The following DOCK9 variants were observed in gnomAD, a reference collection of about 807,000 sequenced individuals.
DOCK9 encodes the protein dedicator of cytokinesis protein 9.
Under a neutral mutation model 263.3 loss-of-function variants are expected in DOCK9, and 89 were observed. The observed-to-expected ratio is 0.34, with a 90% CI of 0.28 to 0.40. The LOEUF (loss-of-function observed/expected upper bound fraction) is 0.40, where lower values mean the gene tolerates loss of function less well. Among genes scored for constraint, DOCK9 ranks in the 10% least tolerant of loss-of-function variants. The probability of loss-of-function intolerance (pLI) is 1.00; values close to 1 mark genes in which losing one functional copy is unlikely to be tolerated. For synonymous variants in DOCK9, 976 were observed against 973.1 expected, an observed-to-expected ratio of 1.00 and a Z score of -0.06; for missense variants, 2,140 against 2,603.4, an observed-to-expected ratio of 0.82 and a Z score of 3.87.
In DOCK9 at chr13:98,868,333, C is replaced by T; in HGVS notation, c.2988G>A (p.Val996=). The T allele has an allele frequency of 6.2e-7, 1 of 1,613,818 alleles. No homozygotes were observed. Among genetic ancestry groups the T allele is most frequent in the Non-Finnish European group, 8.5e-7 (1 of 1,179,824 alleles). Residue 996 remains valine (V), a synonymous_variant, in exon 28 of 53, where the codon GTG becomes GTA. Transcript: ENST00000682017. The part of the protein sequence containing the change: ...QRFPASYHHA[V]ETVVNMLMPH... The stretch of plus-strand genomic sequence containing the variant: ...GCATCAGCATATTTACAACGGTTTC[C>T]ACTGCATGATGATAGGATGCAGGAA...
intron 38 of DOCK9, among the ~76,000 whole-genome samples, chr13:98,839,370 G>A (rs1411781374): frequency 6.6e-6 from 1 of 152,238 alleles, no homozygotes; most frequent in Non-Finnish European, 1.5e-5. Flanking sequence ...CAGCGAGGTT[G>A]TTTGGTAAGA....
intron 24 of DOCK9, 37 bp downstream of exon 24, chr13:98,881,855 C>T (rs2044820252): frequency 1.3e-6 from 2 of 1,503,404 alleles, no homozygotes; most frequent in African/African-American, 1.4e-5. Flanking sequence ...TGTGGACAGA[C>T]TAGAAGTGAG....
intron 15 of DOCK9, among the ~76,000 whole-genome samples, 188 bp downstream of exon 15, chr13:98,897,300 A>G (rs572215000): frequency 1.3e-5 from 2 of 152,246 alleles, no homozygotes; most frequent in East Asian, 1.9e-4. Flanking sequence ...ACAGAATTCA[A>G]ATTAACTGGT....
intron 27 of DOCK9, among the ~76,000 whole-genome samples, chr13:98,879,085 G>C (rs143883866): frequency 2.4e-3 from 371 of 152,314 alleles, no homozygotes; most frequent in African/African-American, 8.3e-3. Flanking sequence ...GCAGGTCTCA[G>C]AGGAGCCCTG....
At position 98,860,397 on chromosome 13, in the gene DOCK9, A is replaced by T. The variant is rs1335622092; in HGVS notation, c.3697+8T>A. On this transcript the variant is annotated splice_region_variant and intron_variant, in intron 33 of 52. Transcript: ENST00000682017. Reference sequence around the variant, plus strand: ...TGGAGAGAAGCCCACAAGAGCATGGAGCGTTACCAATGCCGGAGATGGCGC... The same window carrying T: ...TGGAGAGAAGCCCACAAGAGCATGGTGCGTTACCAATGCCGGAGATGGCGC... The T allele has an allele frequency of 1.3e-6, 2 of 1,574,146 alleles. No individual in the cohort carries two copies. Among genetic ancestry groups the T allele is most frequent in the Non-Finnish European group, 1.7e-6 (2 of 1,158,416 alleles).
In DOCK9 at chr13:98,883,094, T is replaced by C. The variant is rs201221390; in HGVS notation, c.2507A>G (p.Lys836Arg). 13 of 1,613,934 alleles carry C rather than the reference T, an allele frequency of 8.1e-6. No individual in the cohort carries two copies. The Admixed American group carries it at 1.5e-4, about 19-fold the overall frequency. The stretch of plus-strand genomic sequence containing the variant: ...TAAGGCTTGGGCTCCAGATTCGGTT[T>C]TCTGACAGTACTGGAAAAAATTATG... ...HLHNFFQYCQKTESGAQALGN... is the reference protein window; with the variant it reads ...HLHNFFQYCQRTESGAQALGN... Residue 836 changes from lysine (K) to arginine (R), a missense_variant, in exon 23 of 53, where the codon AAA (lysine) becomes AGA (arginine). Lys to Arg is a conservative substitution (Grantham distance 26, BLOSUM62 2). Coordinates refer to ENST00000682017, the MANE Select transcript of DOCK9 (RefSeq NM_001366683.2).
rs182833435 is a variant in DOCK9 at position 98,810,745 on chromosome 13, G to A, written c.5131-454C>T. On this transcript the variant is annotated intron_variant, in intron 45 of 52. Transcript: ENST00000682017. Reference sequence around the variant, plus strand: ...TTAGTGATGGAGTGTGGGGGGCACCGTGCCTGCTTCACCTTGGACATTTCT... The same window carrying A: ...TTAGTGATGGAGTGTGGGGGGCACCATGCCTGCTTCACCTTGGACATTTCT... 5.3e-5 allele frequency among the ~76,000 whole-genome samples: 8 copies of A among 152,230 alleles called. No individual in the cohort carries two copies. The East Asian group carries it at 1.2e-3, about 22-fold the overall frequency.
chr13:99,002,204 G>A (rs1882478777), intron 1 of DOCK9, among the ~76,000 whole-genome samples: 2 of 152,062 alleles, frequency 1.3e-5, no homozygotes, highest in African/African-American at 4.8e-5. Context: ...GGTTTGTGTG[G>A]GGGATCAGAG....
At chr13:98,865,845 G>A (rs1014106133) in intron 30 of DOCK9, among the ~76,000 whole-genome samples, 2 of 152,160 alleles carry the variant, frequency 1.3e-5, no homozygotes, top group African/African-American at 4.8e-5. Context: ...TGCAGGAGGT[G>A]TGGAGTGGCT....
chr13:99,024,994 T>A (rs1195031697), intron 1 of DOCK9, among the ~76,000 whole-genome samples: 1 of 152,236 alleles, frequency 6.6e-6, no homozygotes, highest in African/African-American at 2.4e-5. Flanking sequence ...GGTTTTAATT[T>A]CTTTTCACAA....
At chr13:98,895,800 C>A (rs186324967) in intron 15 of DOCK9, among the ~76,000 whole-genome samples, 8 of 152,156 alleles carry the variant, frequency 5.3e-5, no homozygotes, top group Admixed American at 5.2e-4. Flanking sequence ...AACTAAAGAA[C>A]CTCTATGATT....
intron 25 of DOCK9, among the ~76,000 whole-genome samples, chr13:98,881,125 T>C (rs1351733254): frequency 6.6e-6 from 1 of 152,214 alleles, no homozygotes; most frequent in Non-Finnish European, 1.5e-5. Context: ...ATGTTTATCC[T>C]AACAACATCT....
At chr13:98,868,863 T>G (rs2094117937) in intron 27 of DOCK9, among the ~76,000 whole-genome samples, 1 of 152,208 alleles carries the variant, frequency 6.6e-6, no homozygotes, top group Non-Finnish European at 1.5e-5. Flanking sequence ...ATACTTCAAA[T>G]AAGTGCTGTG....
At position 98,966,153 on chromosome 13, in the gene DOCK9, C is replaced by T. The variant is rs1026081847; in HGVS notation, c.127-10602G>A. Among the ~76,000 whole-genome samples the T allele has an allele frequency of 5.3e-4, 81 of 152,310 alleles. 1 individual carries two copies. Among genetic ancestry groups the T allele is most frequent in the Middle Eastern group, 3.4e-3 (1 of 294 alleles). On this transcript the variant is annotated intron_variant, in intron 1 of 52. Coordinates refer to ENST00000682017, the MANE Select transcript of DOCK9 (RefSeq NM_001366683.2). ...TGTCAATGAGGAGAGGAAGACAAGA[C>T]GGGAATTTAGGAGACTTCCTCCATG...
intron 19 of DOCK9, 112 bp downstream of exon 19, chr13:98,886,420 G>A: frequency 1.4e-6 from 1 of 716,022 alleles, no homozygotes; most frequent in Non-Finnish European, 2.3e-6. Flanking sequence ...TTCTAGCTCT[G>A]TAATTTCAGT....
chr13:98,851,945 G>A (rs546642421), intron 35 of DOCK9, among the ~76,000 whole-genome samples: 13 of 152,236 alleles, frequency 8.5e-5, no homozygotes, highest in African/African-American at 1.2e-4. Flanking sequence ...AGAAAATTGA[G>A]AGAAAAATAT....
At chr13:98,799,164 GAC>G (rs1377593339) in intron 50 of DOCK9, among the ~76,000 whole-genome samples, 2 of 152,208 alleles carry the variant, frequency 1.3e-5, no homozygotes, top group Non-Finnish European at 2.9e-5. Context: ...TGTGGTGAAT[GAC>G]ACAAAAATGT....
chr13:98,987,269 ATAC>A (rs1442289459), intron 1 of DOCK9, among the ~76,000 whole-genome samples: 1 of 152,244 alleles, frequency 6.6e-6, no homozygotes, highest in African/African-American at 2.4e-5. Flanking sequence ...CCATAAATAT[ATAC>A]AATTATTTGT....
At chr13:98,963,828 A>T (rs1198086685) in intron 1 of DOCK9, among the ~76,000 whole-genome samples, 2 of 152,252 alleles carry the variant, frequency 1.3e-5, no homozygotes, top group African/African-American at 4.8e-5. Context: ...TGCAACAAAA[A>T]GGGGCTTCTG....
Sources: allele counts gnomAD v4.1 joint callset (sites outside exome capture counted in the v4.1 genomes callset), GRCh38; gene constraint gnomAD v4.1.1; transcripts MANE v1.5; gene names NCBI Gene and HGNC (gene_info 2026-07-23, HGNC 2026-07-21).